The following OTOGL variants were observed in gnomAD, a reference collection of about 807,000 sequenced individuals.
The protein encoded by OTOGL is otogelin-like protein.
Under a neutral mutation model 318.5 loss-of-function variants are expected in OTOGL, and 285 were observed. The ratio of observed to expected loss-of-function variants is 0.89; its 90% CI spans 0.81 to 0.99. OTOGL has a LOEUF of 0.99. Among genes scored for constraint, OTOGL ranks in the 50% least tolerant of loss-of-function variants. OTOGL has a pLI of 0.00. For synonymous variants in OTOGL, 987 were observed against 936.5 expected (o/e 1.05, Z -0.99); for missense variants, 2,899 against 2,845.6 (o/e 1.02, Z -0.43).
intron 39 of OTOGL, 121 bp downstream of exon 39, chr12:80,336,261 T>C: frequency 1.5e-6 from 2 of 1,350,716 alleles, no homozygotes; most frequent in Non-Finnish European, 1.9e-6. Context: ...TTTCATGATT[T>C]GATTTATGAT....
At chr12:80,306,390 G>C (rs1243502960) in intron 29 of OTOGL, among the ~76,000 whole-genome samples, 1 of 152,128 alleles carries the variant, frequency 6.6e-6, no homozygotes, top group Admixed American at 6.6e-5. Flanking sequence ...AGTCAAATTG[G>C]AAATTGGTTC....
At chr12:80,197,068 C>G (rs149126690) in intron 1 of OTOGL, among the ~76,000 whole-genome samples, 5 of 152,314 alleles carry the variant, frequency 3.3e-5, no homozygotes, top group African/African-American at 7.2e-5. Context: ...TGTCCACAAC[C>G]TCTTATGTAA....
chr12:80,252,010 TATAA>T, intron 12 of OTOGL, 62 bp from the exon 13 acceptor site: 10 of 1,396,672 alleles, frequency 7.2e-6, no homozygotes, highest in Non-Finnish European at 9.4e-6. Context: ...AAAATAAAAT[TATAA>T]TTTTAAAAAA....
rs767371896 is a variant in OTOGL, at chr12:80,255,185, G to C, written c.1587G>C (p.Gln529His). The C allele has an allele frequency of 2.0e-6, 3 of 1,479,854 alleles. No homozygotes were observed. The highest frequency in any genetic ancestry group is 2.7e-6 in the Non-Finnish European group (3 of 1,119,658). 91.7% of individuals were successfully genotyped at this position (1,479,854 alleles called of 1,614,324 possible). The part of the protein sequence containing the change: ...TITLQKAPCE[Q>H]NLGLVCLQSI... ...CTTTACAGAAAGCTCCCTGTGAGCA[G>C]GTAAGAACATTTCAAAATGACCAGA... Residue 529 changes from glutamine to histidine, a missense_variant and splice_region_variant, in exon 16 of 59, where the codon CAG (glutamine) becomes CAC (histidine). By Grantham distance (24) the Gln-to-His change is conservative. Transcript: ENST00000547103.
rs749982437 is a variant in OTOGL at position 80,228,349 on chromosome 12, C to T, written c.490-908C>T. ...CCCAGCTACTTGGGAGGCTGAGGCA[C>T]GAGAATCACTTGAACCTAGGAGGCA... On this transcript the variant is annotated intron_variant, in intron 7 of 58. Transcript: ENST00000547103. Among the ~76,000 whole-genome samples, 8 of 151,630 alleles carry T rather than the reference C, an allele frequency of 5.3e-5. 1 individual carries two copies. The highest frequency in any genetic ancestry group is 2.6e-4 in the Admixed American group (4 of 15,220).
Position 80,292,272 on chromosome 12 carries a change from G to A in OTOGL, c.2929-4555G>A, listed in dbSNP as rs1010639894. Reference sequence around the variant, plus strand: ...CAAATTGCTGAGATTACAGGCATGAGCCACTACGCCCAGCAGAAATGTTTT... The same window carrying A: ...CAAATTGCTGAGATTACAGGCATGAACCACTACGCCCAGCAGAAATGTTTT... On this transcript the variant is annotated intron_variant, in intron 26 of 58. Coordinates refer to ENST00000547103, the MANE Select transcript of OTOGL (RefSeq NM_001378609.3). Among the ~76,000 whole-genome samples, 3 of 152,196 alleles carry A rather than the reference G, an allele frequency of 2.0e-5. No individual in the cohort carries two copies. The South Asian group carries it at 6.2e-4, about 32-fold the overall frequency.
intron 5 of OTOGL, among the ~76,000 whole-genome samples, chr12:80,218,035 A>G (rs1372671957): frequency 6.6e-6 from 1 of 152,214 alleles, no homozygotes; most frequent in African/African-American, 2.4e-5. Context: ...TAACTATGAA[A>G]TAGAAACTAT....
intron 11 of OTOGL, among the ~76,000 whole-genome samples, chr12:80,243,273 T>C (rs1404089571): frequency 6.6e-6 from 1 of 152,036 alleles, no homozygotes; most frequent in African/African-American, 2.4e-5. Context: ...GTGGCTTAAA[T>C]TTTCTTTAAA....
At chr12:80,231,939 C>T (rs982466583) in intron 8 of OTOGL, among the ~76,000 whole-genome samples, 2 of 151,924 alleles carry the variant, frequency 1.3e-5, no homozygotes, top group African/African-American at 4.8e-5. Context: ...GCCCAGCTGA[C>T]ATGACTATCT....
At chr12:80,355,706 G>A (rs754674469) in intron 46 of OTOGL, 30 bp from the exon 47 acceptor site, 5 of 1,559,666 alleles carry the variant, frequency 3.2e-6, no homozygotes, top group Non-Finnish European at 4.4e-6. Context: ...CCCAGGTTTT[G>A]AGTGTTATAA....
chr12:80,356,442 A>T lies in OTOGL; in HGVS notation c.5833A>T (p.Ser1945Cys), dbSNP rs1286437645. 1 of 1,611,554 alleles carries T rather than the reference A, an allele frequency of 6.2e-7. No homozygotes were observed. The highest frequency in any genetic ancestry group is 8.5e-7 in the Non-Finnish European group (1 of 1,178,928). The change falls in exon 48 of 59, where the codon AGC becomes TGC. Residue 1945 changes from serine (S) to cysteine (C), a missense_variant. Coordinates refer to ENST00000547103, the MANE Select transcript of OTOGL (RefSeq NM_001378609.3). ...ATGTGACACGACTTTGTGTGAAACT[A>T]GCATTCCAACATGTACAAATAGTCA... ...CGCDTTLCET[S>C]IPTCTNSQKL...
In OTOGL at chr12:80,310,736, A is replaced by G. The variant is rs576035717; in HGVS notation, c.3450+9A>G. 7.2e-6 allele frequency: 11 copies of G among 1,529,022 alleles called. No homozygotes were observed. In the African/African-American group the frequency reaches 8.2e-5, roughly 11 times the overall value. 94.7% of individuals were successfully genotyped at this position (1,529,022 alleles called of 1,614,324 possible). Reference sequence around the variant, plus strand: ...CTTCTTGTCGCAATGTGGTAAATGAATACTTTAATGAACTCTCGAGTTTCA... The same window carrying G: ...CTTCTTGTCGCAATGTGGTAAATGAGTACTTTAATGAACTCTCGAGTTTCA... On this transcript the variant is annotated intron_variant, in intron 30 of 58. Transcript: ENST00000547103.
chr12:80,136,268 C>T (rs975363615), intron 1 of OTOGL, among the ~76,000 whole-genome samples: 8 of 152,158 alleles, frequency 5.3e-5, no homozygotes, highest in Non-Finnish European at 8.8e-5. Context: ...CTCAAGTTCT[C>T]TAGTGATCTA....
chr12:80,249,418 C>T (rs1035428800), intron 11 of OTOGL, among the ~76,000 whole-genome samples: 2 of 151,054 alleles, frequency 1.3e-5, no homozygotes, highest in East Asian at 3.9e-4. Flanking sequence ...GTTGGAATAC[C>T]CTGCCGTGTG....
At chr12:80,340,843 T>C (rs1327534054) in intron 43 of OTOGL, among the ~76,000 whole-genome samples, 1 of 152,106 alleles carries the variant, frequency 6.6e-6, no homozygotes, top group East Asian at 1.9e-4. Flanking sequence ...TGACTGAAGT[T>C]GCAGTGCAAA....
intron 11 of OTOGL, among the ~76,000 whole-genome samples, chr12:80,241,139 G>C (rs941806246): frequency 6.6e-6 from 1 of 152,006 alleles, no homozygotes; most frequent in African/African-American, 2.4e-5. Flanking sequence ...GAAAGGTTGA[G>C]GTAGTATGAA....
intron 1 of OTOGL, among the ~76,000 whole-genome samples, chr12:80,105,110 A>AAAAC (rs1246078451): frequency 6.6e-6 from 1 of 152,150 alleles, no homozygotes; most frequent in Non-Finnish European, 1.5e-5. Context: ...TCTCAAAAAC[A>AAAAC]AAACAAACGA....
intron 35 of OTOGL, among the ~76,000 whole-genome samples, chr12:80,327,008 T>C (rs1179248389): frequency 6.6e-6 from 1 of 152,226 alleles, no homozygotes; most frequent in African/African-American, 2.4e-5. Context: ...TTTGTAAATA[T>C]ATTATTTAAA....
intron 1 of OTOGL, among the ~76,000 whole-genome samples, chr12:80,126,501 A>T (rs1158204993): frequency 6.6e-6 from 1 of 152,136 alleles, no homozygotes; most frequent in African/African-American, 2.4e-5. Flanking sequence ...TGGTGCTGAA[A>T]AGAATGTATA....
Sources: gnomAD v4.1 joint callset for allele counts (sites outside exome capture counted in the v4.1 genomes callset) on GRCh38, gnomAD v4.1.1 for gene constraint, MANE v1.5 for transcripts, NCBI Gene and HGNC (gene_info 2026-07-23, HGNC 2026-07-21) for gene names.